The following SLC35D2 variants were observed in gnomAD, a reference collection of about 807,000 sequenced individuals.
SLC35D2 encodes solute carrier family 35 member D2, also known as nucleotide sugar transporter SLC35D2.
Under a neutral mutation model 41.8 loss-of-function variants are expected in SLC35D2, and 43 were observed. The observed-to-expected ratio is 1.03, with a 90% CI of 0.81 to 1.33. The LOEUF (loss-of-function observed/expected upper bound fraction) is 1.33, where lower values mean the gene tolerates loss of function less well. Among genes scored for constraint, SLC35D2 ranks in the 40% most tolerant of loss-of-function variants. The probability of loss-of-function intolerance (pLI) is 0.00; values close to 1 mark genes in which losing one functional copy is unlikely to be tolerated. For missense variants in SLC35D2, 380 were observed against 408.4 expected (o/e 0.93, Z 0.60); for synonymous variants, 150 against 163.9 (o/e 0.92, Z 0.65).
At chr9:96,355,737 TC>T (rs1249496749) in intron 4 of SLC35D2, among the ~76,000 whole-genome samples, 1 of 152,074 alleles carries the variant, frequency 6.6e-6, no homozygotes, top group Admixed American at 6.6e-5. Flanking sequence ...CCTCAGGTGA[TC>T]CACCTGCCTT....
chr9:96,329,374 G>T (rs1485839164), intron 9 of SLC35D2, among the ~76,000 whole-genome samples: 2 of 151,926 alleles, frequency 1.3e-5, no homozygotes, highest in African/African-American at 4.8e-5. Flanking sequence ...GGAACTACAA[G>T]AACATGCCAC....
chr9:96,325,687 T>C (rs1828494483), intron 9 of SLC35D2, among the ~76,000 whole-genome samples: 1 of 152,162 alleles, frequency 6.6e-6, no homozygotes, highest in Non-Finnish European at 1.5e-5. Context: ...ATTAATTAAT[T>C]AATTAGTCCC....
intron 2 of SLC35D2, among the ~76,000 whole-genome samples, chr9:96,367,091 G>A (rs1404025981): frequency 6.6e-6 from 1 of 151,046 alleles, no homozygotes; most frequent in African/African-American, 2.4e-5. Flanking sequence ...ATGGTGGCAC[G>A]CACCTGTAAT....
chr9:96,334,859 T>C (rs986771581), intron 9 of SLC35D2, among the ~76,000 whole-genome samples: 1 of 152,176 alleles, frequency 6.6e-6, no homozygotes, highest in Non-Finnish European at 1.5e-5. Flanking sequence ...AGTGAGAGTA[T>C]TCTAAATGAA....
At chr9:96,381,729 G>A (rs1371103457) in intron 1 of SLC35D2, among the ~76,000 whole-genome samples, 1 of 152,134 alleles carries the variant, frequency 6.6e-6, no homozygotes, top group African/African-American at 2.4e-5. Context: ...AAGAACGGTG[G>A]GAAAACACTG....
intron 9 of SLC35D2, among the ~76,000 whole-genome samples, chr9:96,333,550 G>A (rs1286644505): frequency 2.7e-5 from 4 of 148,608 alleles, no homozygotes; most frequent in African/African-American, 7.5e-5. Context: ...AGCCAAGATC[G>A]CGCCACCGCA....
chr9:96,365,250 C>T (rs903138357), intron 2 of SLC35D2, among the ~76,000 whole-genome samples: 8 of 151,466 alleles, frequency 5.3e-5, no homozygotes, highest in South Asian at 2.1e-4. Flanking sequence ...TTCGGGATAC[C>T]GAGGTAGGAG....
chr9:96,368,427 TTTTCA>T, intron 1 of SLC35D2, 122 bp from the exon 2 acceptor site: 1 of 818,004 alleles, frequency 1.2e-6, no homozygotes, highest in Non-Finnish European at 1.9e-6. Context: ...AATTGTTCAC[TTTTCA>T]TTTAATTCTT....
intron 2 of SLC35D2, among the ~76,000 whole-genome samples, chr9:96,365,572 A>T (rs1830443857): frequency 6.6e-6 from 1 of 152,160 alleles, no homozygotes; most frequent in South Asian, 2.1e-4. Flanking sequence ...AGGCACGGGA[A>T]CATTCTTTTA....
chr9:96,342,025 CA>C lies in SLC35D2; in HGVS notation c.684+1878del, dbSNP rs556833287. On this transcript the variant is annotated intron_variant, in intron 8 of 11. Transcript: ENST00000253270. ...TTAAAAAAACAAAACAAAACAAAAA[CA>C]AAAAAAAACCCTCGTTTCTATAATA... is the stretch of plus-strand genomic sequence containing the variant. 6.2e-3 allele frequency among the ~76,000 whole-genome samples: 930 copies of C among 149,210 alleles called. 10 individuals carry two copies. Among genetic ancestry groups the C allele is most frequent in the African/African-American group, 0.021 (852 of 40,742 alleles).
chr9:96,354,129 T>G (rs973652738), intron 4 of SLC35D2, among the ~76,000 whole-genome samples: 2 of 152,266 alleles, frequency 1.3e-5, no homozygotes, highest in African/African-American at 4.8e-5. Context: ...AAAAGTATTC[T>G]AGATTATGCC....
At chr9:96,373,992 C>T (rs1461008619) in intron 1 of SLC35D2, 1 of 152,196 alleles carries the variant, frequency 6.6e-6, no homozygotes, top group Non-Finnish European at 1.5e-5. Context: ...GTGATGCTTG[C>T]AACTTACTTT....
chr9:96,359,077 G>A (rs1830157698), intron 4 of SLC35D2, among the ~76,000 whole-genome samples: 1 of 151,942 alleles, frequency 6.6e-6, no homozygotes, highest in South Asian at 2.1e-4. Context: ...GGCTGAGGCG[G>A]GCGGATCACG....
chr9:96,372,332 C>A (rs1033711887), intron 1 of SLC35D2, among the ~76,000 whole-genome samples: 20 of 151,982 alleles, frequency 1.3e-4, no homozygotes, highest in African/African-American at 4.6e-4. Context: ...GTCAATATTA[C>A]GGGGAGGGAG....
At chr9:96,357,209 C>A (rs1830063705) in intron 4 of SLC35D2, among the ~76,000 whole-genome samples, 1 of 152,074 alleles carries the variant, frequency 6.6e-6, no homozygotes, top group African/African-American at 2.4e-5. Context: ...AGATGATATA[C>A]AATCAATAGA....
chr9:96,321,049 C>T lies in SLC35D2; in HGVS notation c.*193G>A, dbSNP rs987856101. On this transcript the variant is annotated 3_prime_UTR_variant, in exon 12 of 12. Transcript: ENST00000253270. ...GATTTGCTTTCCACAGGTAAGGTGT[C>T]GCCCGAGTACATTTCTTGAGACTGC... The T allele has an allele frequency of 4.1e-5, 22 of 532,302 alleles. No homozygotes were observed. Among genetic ancestry groups the T allele is most frequent in the African/African-American group, 9.7e-5 (5 of 51,454 alleles). The allele number at this position is 532,302 out of a possible 1,614,324, so 33.0% of individuals were successfully genotyped here.
intron 9 of SLC35D2, among the ~76,000 whole-genome samples, chr9:96,324,549 C>CTTTTGTTTTTTTTTTTTTTTTTT (rs1828420834): frequency 8.5e-6 from 1 of 117,780 alleles, no homozygotes; most frequent in Non-Finnish European, 1.8e-5. Context: ...GCCTGCTGCA[C>CTTTTGTTTTTTTTTTTTTTTTTT]TTTTTTTTTT....
chr9:96,358,080 T>TTA (rs34633441), intron 4 of SLC35D2, among the ~76,000 whole-genome samples: 18,174 of 122,254 alleles, frequency 0.15, 1,732 homozygotes, highest in Non-Finnish European at 0.18. Flanking sequence ...ATTATATATT[T>TTA]TATATATATA....
intron 3 of SLC35D2, among the ~76,000 whole-genome samples, chr9:96,362,473 C>T (rs1564118203): frequency 6.6e-6 from 1 of 151,790 alleles, no homozygotes; most frequent in Non-Finnish European, 1.5e-5. Flanking sequence ...CACAATTGCA[C>T]TCCAGCCTGG....
Sources: allele counts gnomAD v4.1 joint callset (sites outside exome capture counted in the v4.1 genomes callset), GRCh38; gene constraint gnomAD v4.1.1; transcripts MANE v1.5; gene names NCBI Gene and HGNC (gene_info 2026-07-23, HGNC 2026-07-21).